The following AGAP1 variants were observed in gnomAD, a reference collection of about 807,000 sequenced individuals.
AGAP1 encodes ArfGAP with GTPase domain, ankyrin repeat and PH domain 1.
In AGAP1, 29 loss-of-function variants were observed where a neutral mutation model predicts 105.3. The ratio of observed to expected loss-of-function variants is 0.28; its 90% CI spans 0.21 to 0.38. The LOEUF (loss-of-function observed/expected upper bound fraction) is 0.38. Among genes scored for constraint, AGAP1 ranks in the 10% least tolerant of loss-of-function variants. The probability of loss-of-function intolerance (pLI) is 1.00; values close to 1 mark genes in which losing one functional copy is unlikely to be tolerated. For missense variants in AGAP1, 998 were observed against 1,165.1 expected, an observed-to-expected ratio of 0.86 and a Z score of 2.09; for synonymous variants, 509 against 485.9, an observed-to-expected ratio of 1.05 and a Z score of -0.63.
At position 236,036,546 on chromosome 2, in the gene AGAP1, C is replaced by T; in HGVS notation, c.1646-15C>T. 2 of 1,613,554 alleles carry T rather than the reference C, an allele frequency of 1.2e-6. No individual in the cohort carries two copies. The highest frequency in any genetic ancestry group is 1.7e-6 in the Non-Finnish European group (2 of 1,179,616). ...CATAAAAGCTAAACTCTTCATCCCA[C>T]ACTCTGTGTTTCAGAACAAGAAGAA... On this transcript the variant is annotated splice_polypyrimidine_tract_variant and intron_variant, in intron 13 of 17. Coordinates refer to ENST00000304032, the MANE Select transcript of AGAP1 (RefSeq NM_001037131.3). The surrounding 1 kb of genome is among the most constrained non-coding windows in gnomAD (Gnocchi z 5.7).
At chr2:235,735,197 C>T (rs977707716) in intron 3 of AGAP1, among the ~76,000 whole-genome samples, 16 of 152,154 alleles carry the variant, frequency 1.1e-4, no homozygotes, top group African/African-American at 3.4e-4. Context: ...CCATAGCTGT[C>T]GCTTGGAGGA....
At chr2:235,533,190 T>G (rs565314409) in intron 1 of AGAP1, among the ~76,000 whole-genome samples, 1 of 152,210 alleles carries the variant, frequency 6.6e-6, no homozygotes, top group Non-Finnish European at 1.5e-5. Context: ...TTTAAAAATC[T>G]AATAATGGTT....
chr2:235,825,280 G>A (rs1018204228), intron 9 of AGAP1, among the ~76,000 whole-genome samples: 4 of 152,220 alleles, frequency 2.6e-5, no homozygotes, highest in East Asian at 1.9e-4. Flanking sequence ...TGCAGAAACC[G>A]TTATCCTTTT....
rs573308627 is a variant in AGAP1 at position 235,557,771 on chromosome 2, G to A, written c.163+62922G>A. On this transcript the variant is annotated intron_variant, in intron 1 of 17. Coordinates refer to ENST00000304032, the MANE Select transcript of AGAP1 (RefSeq NM_001037131.3). The surrounding 1 kb of genome is among the most constrained non-coding windows in gnomAD (Gnocchi z 4.7). ...ATGGCCGTGTGCACCTTCATGGTAC[G>A]TGCTGGGGTTGTGCCTTATGAAAAC... Among the ~76,000 whole-genome samples, 1 of 152,190 alleles carries A rather than the reference G, an allele frequency of 6.6e-6. No individual in the cohort carries two copies. The highest frequency in any genetic ancestry group is 2.4e-5 in the African/African-American group (1 of 41,452).
intron 3 of AGAP1, 122 bp downstream of exon 3, chr2:235,717,766 C>T (rs560703871): frequency 2.8e-5 from 23 of 811,744 alleles, no homozygotes; most frequent in East Asian, 8.7e-5. Flanking sequence ...ACATACCAAG[C>T]GGTAAAAACC....
At chr2:236,115,075 C>T (rs1463526268) in intron 16 of AGAP1, among the ~76,000 whole-genome samples, 1 of 152,230 alleles carries the variant, frequency 6.6e-6, no homozygotes, top group African/African-American at 2.4e-5. Flanking sequence ...TATGTACACA[C>T]AGCCGTGATT....
At chr2:235,563,142 T>C (rs1416910110) in intron 1 of AGAP1, among the ~76,000 whole-genome samples, 1 of 152,210 alleles carries the variant, frequency 6.6e-6, no homozygotes, top group Non-Finnish European at 1.5e-5. Flanking sequence ...TTGTGCTGAA[T>C]GCAGCATCTC....
intron 11 of AGAP1, among the ~76,000 whole-genome samples, chr2:235,929,571 G>C (rs527900135): frequency 1.3e-5 from 2 of 152,230 alleles, no homozygotes; most frequent in East Asian, 3.9e-4. Context: ...ATCGCTGATT[G>C]GGTGTAGGGC....
Position 235,864,108 on chromosome 2 carries a change from T to C in AGAP1, c.1051-19237T>C, listed in dbSNP as rs572306711. On this transcript the variant is annotated intron_variant, in intron 9 of 17. Transcript: ENST00000304032. This position sits in a 1 kb window ranked among gnomAD's most constrained non-coding sequence, Gnocchi z 5.0. Reference sequence around the variant, plus strand: ...GCGCAAGCGGGCCGTTCCCACGTGATTTAATAAACAGTTGCTGTAGCATGT... The same window carrying C: ...GCGCAAGCGGGCCGTTCCCACGTGACTTAATAAACAGTTGCTGTAGCATGT... 6.6e-6 allele frequency among the ~76,000 whole-genome samples: 1 copy of C among 152,348 alleles called. No individual in the cohort carries two copies. The highest frequency in any genetic ancestry group is 1.5e-5 in the Non-Finnish European group (1 of 68,030).
At chr2:235,617,163 T>G (rs1358316973) in intron 1 of AGAP1, among the ~76,000 whole-genome samples, 1 of 152,132 alleles carries the variant, frequency 6.6e-6, no homozygotes, top group Admixed American at 6.5e-5. Context: ...AAAAATGTTC[T>G]TAAAACACAA....
chr2:235,530,410 C>T (rs1943000952), intron 1 of AGAP1, among the ~76,000 whole-genome samples: 2 of 152,190 alleles, frequency 1.3e-5, no homozygotes, highest in South Asian at 2.1e-4. Flanking sequence ...TACAAGGTTA[C>T]CCCAGATGCA....
rs1242642303 is a variant in AGAP1 at position 235,665,097 on chromosome 2, C to T, written c.164-44082C>T. 2.0e-5 allele frequency among the ~76,000 whole-genome samples: 3 copies of T among 152,072 alleles called. No individual in the cohort carries two copies. Among genetic ancestry groups the T allele is most frequent in the Non-Finnish European group, 4.4e-5 (3 of 68,026 alleles). On this transcript the variant is annotated intron_variant, in intron 1 of 17. Transcript: ENST00000304032. This position sits in a 1 kb window ranked among gnomAD's most constrained non-coding sequence, Gnocchi z 5.3. ...AATTAGCCAGGGGTGGTGACATGTG[C>T]CTGTGGTCCCAGCTATTCAGGAGGC...
intron 16 of AGAP1, chr2:236,049,897 T>C (rs979524696): frequency 1.3e-5 from 2 of 152,382 alleles, no homozygotes; most frequent in African/African-American, 4.8e-5. Context: ...TGAGTACACA[T>C]GCATATTTAA....
intron 1 of AGAP1, among the ~76,000 whole-genome samples, chr2:235,607,483 T>G (rs13010970): frequency 0.011 from 1,741 of 152,336 alleles, 19 homozygotes; most frequent in Middle Eastern, 0.058. Context: ...TGTTCTGACT[T>G]CAGGCGGCCT....
rs754447474 is a variant in AGAP1 at position 235,559,787 on chromosome 2, G to A, written c.163+64938G>A. Among the ~76,000 whole-genome samples the A allele has an allele frequency of 8.0e-5, 12 of 149,152 alleles. No individual in the cohort carries two copies. The highest frequency in any genetic ancestry group is 8.0e-4 in the Admixed American group (12 of 14,934). ...TATCTTAAAGCATATTTATATATTT[G>A]TATATCTTAGGAGAAATACCTATTC... On this transcript the variant is annotated intron_variant, in intron 1 of 17. Coordinates refer to ENST00000304032, the MANE Select transcript of AGAP1 (RefSeq NM_001037131.3). This position sits in a 1 kb window ranked among gnomAD's most constrained non-coding sequence, Gnocchi z 5.7.
At chr2:235,947,709 G>T (rs1348154205) in intron 12 of AGAP1, among the ~76,000 whole-genome samples, 3 of 152,162 alleles carry the variant, frequency 2.0e-5, no homozygotes, top group African/African-American at 7.2e-5. Context: ...CTAGAACAGT[G>T]TCTCCATCAG....
intron 1 of AGAP1, among the ~76,000 whole-genome samples, chr2:235,619,300 C>G (rs550619244): frequency 6.6e-6 from 1 of 151,742 alleles, no homozygotes; most frequent in African/African-American, 2.4e-5. Flanking sequence ...ATGATTTGCC[C>G]GAGTTCACAT....
chr2:236,085,421 C>T (rs116211804), intron 16 of AGAP1, among the ~76,000 whole-genome samples: 413 of 152,156 alleles, frequency 2.7e-3, no homozygotes, highest in African/African-American at 9.7e-3. Context: ...CTCTCTAAGG[C>T]TAGTTTTGTT....
In AGAP1 at chr2:235,864,480, G is replaced by A. The variant is rs2049065406; in HGVS notation, c.1051-18865G>A. On this transcript the variant is annotated intron_variant, in intron 9 of 17. Transcript: ENST00000304032. This position sits in a 1 kb window ranked among gnomAD's most constrained non-coding sequence, Gnocchi z 5.0. ...GGCGGTCTGGGTGGGAGGAGGAGGT[G>A]GGCGGCCGGAAGGTGGTTGAGCGTT... Among the ~76,000 whole-genome samples, 1 of 152,228 alleles carries A rather than the reference G, an allele frequency of 6.6e-6. No individual in the cohort carries two copies. The highest frequency in any genetic ancestry group is 1.5e-5 in the Non-Finnish European group (1 of 68,050).
Sources: gnomAD v4.1 joint callset for allele counts (sites outside exome capture counted in the v4.1 genomes callset) on GRCh38, gnomAD v4.1.1 for gene constraint, Gnocchi (gnomAD v3.1) non-coding constraint, MANE v1.5 for transcripts, NCBI Gene and HGNC (gene_info 2026-07-23, HGNC 2026-07-21) for gene names.